RTBDN: variants seen among roughly 807,000 people sequenced by gnomAD.
RTBDN encodes retbindin.
In RTBDN, 24 loss-of-function variants were observed where a neutral mutation model predicts 21.9. The ratio of observed to expected loss-of-function variants is 1.10; its 90% CI spans 0.79 to 1.54. The LOEUF is 1.54. RTBDN is among the 40% of genes most tolerant of loss of function. The pLI, the probability that RTBDN is intolerant of heterozygous loss-of-function variation, is 0.00. For synonymous variants in RTBDN, 141 were observed against 125.9 expected (o/e 1.12, Z -0.80); for missense variants, 325 against 315.2 (o/e 1.03, Z -0.23).
Position 12,826,851 on chromosome 19 carries a change from T to C in RTBDN, c.386A>G (p.Asp129Gly), listed in dbSNP as rs184012091. Residue 129 changes from aspartate (D) to glycine (G), a missense_variant, in exon 5 of 6, where the codon GAT (aspartate) becomes GGT (glycine). Coordinates refer to ENST00000674343, the MANE Select transcript of RTBDN (RefSeq NM_001270441.2). Reference protein sequence around the residue: ...CQAWFANCEDDITCGPTWLPL... With the variant: ...CQAWFANCEDGITCGPTWLPL... The stretch of plus-strand genomic sequence containing the variant: ...GAGCCAAGTCGGGCCGCAGGTGATA[T>C]CATCTTCGCAGTTGGCGAACCTGGA... 3.8e-5 allele frequency: 59 copies of C among 1,552,486 alleles called. No individual in the cohort carries two copies. The African/African-American group carries it at 7.1e-4, about 19-fold the overall frequency.
At chr19:12,834,646 TC>T, upstream of RTBDN, 1 of 1,520,228 alleles carries the variant, frequency 6.6e-7, no homozygotes, top group South Asian at 1.2e-5. The surrounding 1 kb of genome is among the most constrained non-coding windows in gnomAD (Gnocchi z 4.7). Context: ...GATTTTTAGC[TC>T]CTTGCAGCCT....
Position 12,828,926 on chromosome 19 carries a change from G to T in RTBDN, c.197C>A (p.Thr66Lys). 6.2e-7 allele frequency: 1 copy of T among 1,614,164 alleles called. No individual in the cohort carries two copies. Residue 66 changes from threonine (T) to lysine (K), a missense_variant, in exon 3 of 6, where the codon ACA becomes AAA. Physicochemically the swap from Thr to Lys is moderately conservative, Grantham distance 78. Transcript: ENST00000674343. ...AGPCCPSEMD[T>K]TETSGPGNHP... ...GTTTCCAGGGCCCGATGTCTCTGTTGTGTCCATCTCTGAGGGACAACAAGG... is the reference window on the plus strand; with the variant it reads ...GTTTCCAGGGCCCGATGTCTCTGTTTTGTCCATCTCTGAGGGACAACAAGG...
intron 1 of RTBDN, among the ~76,000 whole-genome samples, chr19:12,831,707 AAAAC>A (rs936618690): frequency 1.2e-4 from 18 of 152,342 alleles, no homozygotes; most frequent in South Asian, 2.1e-4. Context: ...CTCTGTCTCA[AAAAC>A]AAACAAACAA....
upstream of RTBDN, chr19:12,835,110 C>T (rs759673926): frequency 8.1e-6 from 13 of 1,612,784 alleles, no homozygotes; most frequent in Admixed American, 1.8e-4. Context: ...TCTAGACTCC[C>T]CTAATCCATC....
Position 12,825,560 on chromosome 19 carries a change from G to T in RTBDN, c.*146C>A. The T allele has an allele frequency of 8.2e-7, 1 of 1,217,452 alleles. No individual in the cohort carries two copies. The highest frequency in any genetic ancestry group is 1.1e-6 in the Non-Finnish European group (1 of 908,634). 75.4% of individuals were successfully genotyped at this position (1,217,452 alleles called of 1,614,324 possible). A position where few individuals can be genotyped will look rare whatever the true frequency, so the allele number is the denominator to read the frequency against. On this transcript the variant is annotated 3_prime_UTR_variant, in exon 6 of 6. Transcript: ENST00000674343. ...GTCATTTCTGGGATAACCTGGAGAG[G>T]GGTGGGTCTCTGGAGCTCCAGGGAG...
chr19:12,825,860 C>A lies in RTBDN; in HGVS notation c.536G>T (p.Arg179Leu). The change falls in exon 6 of 6, where the codon CGT becomes CTT. Residue 179 changes from arginine to leucine, a missense_variant. By Grantham distance (102) the Arg-to-Leu change is moderately radical. Transcript: ENST00000674343. Reference protein sequence around the residue: ...HALPVAAPGARHCFNISISAV... With the variant: ...HALPVAAPGALHCFNISISAV... ...GGAGATGGAGATGTTGAAGCAGTGA[C>A]GGGCTCCAGGAGCAGCCACCGGTAG... The A allele has an allele frequency of 6.2e-7, 1 of 1,613,364 alleles. No homozygotes were observed. The highest frequency in any genetic ancestry group is 8.5e-7 in the Non-Finnish European group (1 of 1,179,764).
intron 4 of RTBDN, among the ~76,000 whole-genome samples, chr19:12,828,063 A>G (rs1298849055): frequency 1.4e-5 from 2 of 146,968 alleles, no homozygotes; most frequent in Non-Finnish European, 3.0e-5. Context: ...ACTGCACTCC[A>G]GCCTGGGCGA....
chr19:12,826,142 T>G, intron 5 of RTBDN: 1 of 1,376,148 alleles, frequency 7.3e-7, no homozygotes. Flanking sequence ...TGAATCAGGG[T>G]TGGGGCAGTT....
chr19:12,834,789 A>G, upstream of RTBDN: 6 of 1,614,046 alleles, frequency 3.7e-6, no homozygotes, highest in Non-Finnish European at 5.1e-6. This position sits in a 1 kb window ranked among gnomAD's most constrained non-coding sequence, Gnocchi z 4.7. Flanking sequence ...TCCTACCTCC[A>G]AGGTGGGGAG....
At position 12,828,871 on chromosome 19, in the gene RTBDN, A is replaced by G. The variant is rs1365622987; in HGVS notation, c.252T>C (p.Pro84=). The change falls in exon 3 of 6, where the codon CCT becomes CCC. Residue 84 remains proline, a splice_region_variant and synonymous_variant. Transcript: ENST00000674343. The part of the protein sequence containing the change: ...NHPERCGVPS[P]ECESFLEHLQ... ...ACGGTGGAGGGTGCTGTACTCACTC[A>G]GGGCTCGGCACTCCACAGCGTTCTG... 1 of 1,614,114 alleles carries G rather than the reference A, an allele frequency of 6.2e-7. No individual in the cohort carries two copies. The highest frequency in any genetic ancestry group is 2.2e-5 in the East Asian group (1 of 44,898).
intron 1 of RTBDN, among the ~76,000 whole-genome samples, chr19:12,833,499 A>C (rs1969648461): frequency 6.6e-6 from 1 of 151,862 alleles, no homozygotes; most frequent in Non-Finnish European, 1.5e-5. Context: ...TTGATTGGAC[A>C]GGGCGTCCCT....
In RTBDN at chr19:12,829,949, C is replaced by T. The variant is rs772803079; in HGVS notation, c.31G>A (p.Gly11Ser). The T allele has an allele frequency of 1.3e-5, 21 of 1,613,892 alleles. No individual in the cohort carries two copies. Among genetic ancestry groups the T allele is most frequent in the Admixed American group, 3.3e-5 (2 of 59,994 alleles). MDCRVHMRPI[G>S]LTWVLQLTLA... Reference sequence around the variant, plus strand: ...GTCAGTTGCAGCACCCACGTCAGGCCGATGGGTCGCATGTGGACCCTGCAG... The same window carrying T: ...GTCAGTTGCAGCACCCACGTCAGGCTGATGGGTCGCATGTGGACCCTGCAG... The change falls in exon 2 of 6, where the codon GGC becomes AGC. Residue 11 changes from glycine (G) to serine (S), a missense_variant. Transcript: ENST00000674343.
intron 1 of RTBDN, among the ~76,000 whole-genome samples, chr19:12,831,987 T>C (rs554828840): frequency 2.0e-5 from 3 of 152,332 alleles, no homozygotes; most frequent in African/African-American, 7.2e-5. Flanking sequence ...ACTGTGTGTA[T>C]GTCTGTGTTT....
In RTBDN at chr19:12,825,942, A is replaced by T; in HGVS notation, c.463-9T>A. On this transcript the variant is annotated splice_polypyrimidine_tract_variant and intron_variant, in intron 5 of 5. Transcript: ENST00000674343. ...GTCCCGTCTGCGAAGGTCTAGGAAA[A>T]AGTGGAGTTAAGGCCCTAGTGGGCG... is the stretch of plus-strand genomic sequence containing the variant. 6.4e-7 allele frequency: 1 copy of T among 1,565,238 alleles called. No homozygotes were observed. Among genetic ancestry groups the T allele is most frequent in the Non-Finnish European group, 8.7e-7 (1 of 1,152,148 alleles).
At position 12,829,937 on chromosome 19, in the gene RTBDN, C is replaced by A. The variant is rs375493520; in HGVS notation, c.43G>T (p.Val15Leu). The A allele has an allele frequency of 4.3e-6, 7 of 1,614,148 alleles. No individual in the cohort carries two copies. The highest frequency in any genetic ancestry group is 1.1e-5 in the South Asian group (1 of 91,082). Residue 15 changes from valine to leucine, a missense_variant, in exon 2 of 6, where the codon GTG becomes TTG. By Grantham distance (32) the Val-to-Leu change is conservative (BLOSUM62 1). Coordinates refer to ENST00000674343, the MANE Select transcript of RTBDN (RefSeq NM_001270441.2). Reference protein sequence around the residue: ...VHMRPIGLTWVLQLTLAWILL... With the variant: ...VHMRPIGLTWLLQLTLAWILL... ...ATCCATGCCAAGGTCAGTTGCAGCA[C>A]CCACGTCAGGCCGATGGGTCGCATG...
At chr19:12,829,722 C>A in intron 2 of RTBDN, 89 bp downstream of exon 2, 1 of 1,391,382 alleles carries the variant, frequency 7.2e-7, no homozygotes, top group Non-Finnish European at 9.9e-7. Flanking sequence ...CATGCTAGGC[C>A]CCTCTCATAA....
intron 4 of RTBDN, among the ~76,000 whole-genome samples, chr19:12,828,407 G>T (rs1033917938): frequency 6.6e-6 from 1 of 151,440 alleles, no homozygotes; most frequent in East Asian, 1.9e-4. Context: ...AAAAAAAAAA[G>T]AAAGAAAGAA....
intron 5 of RTBDN, 151 bp downstream of exon 5, chr19:12,826,624 G>A: frequency 4.2e-6 from 3 of 711,650 alleles, no homozygotes; most frequent in Non-Finnish European, 6.9e-6. Context: ...AACCCCGGAG[G>A]CGGAGGTTGC....
intron 5 of RTBDN, chr19:12,826,202 G>C: frequency 7.5e-7 from 1 of 1,341,922 alleles, no homozygotes; most frequent in Non-Finnish European, 9.5e-7. Flanking sequence ...TGTAGAGAGT[G>C]ACTGGGCTTC....
Sources: gnomAD v4.1 joint callset for allele counts (sites outside exome capture counted in the v4.1 genomes callset) on GRCh38, gnomAD v4.1.1 for gene constraint, Gnocchi (gnomAD v3.1) non-coding constraint, MANE v1.5 for transcripts, NCBI Gene and HGNC (gene_info 2026-07-23, HGNC 2026-07-21) for gene names.